MTUS1: variants seen among roughly 807,000 people sequenced by gnomAD.
The protein encoded by MTUS1 is microtubule-associated tumor suppressor 1.
Under a neutral mutation model 120.8 loss-of-function variants are expected in MTUS1, and 109 were observed. That is an observed-to-expected ratio of 0.90 (90% CI 0.77 to 1.06). MTUS1 has a LOEUF of 1.06. Among genes scored for constraint, MTUS1 ranks in the 50% least tolerant of loss-of-function variants. The pLI, the probability that MTUS1 is intolerant of heterozygous loss-of-function variation, is 0.00. For synonymous variants in MTUS1, 737 were observed against 550.5 expected (o/e 1.34, Z -4.74); for missense variants, 2,210 against 1,486.3 (o/e 1.49, Z -8.01).
chr8:17,760,283 CAT>C lies in MTUS1; in HGVS notation c.-154-4324_-154-4323del, dbSNP rs143896847. Among the ~76,000 whole-genome samples the C allele has an allele frequency of 8.5e-3, 1,293 of 152,188 alleles. 19 individuals carry two copies. Among genetic ancestry groups the C allele is most frequent in the African/African-American group, 0.029 (1,211 of 41,514 alleles). On this transcript the variant is annotated intron_variant, in intron 1 of 14. Coordinates refer to ENST00000693296, the MANE Select transcript of MTUS1 (RefSeq NM_001363059.2). ...GCAAAGAGACTAAAAAACCCACAAA[CAT>C]GTGTTCATAAATACTTAAGGATTGT...
At chr8:17,724,029 G>A in intron 3 of MTUS1, 196 bp from the exon 4 acceptor site, 2 of 577,896 alleles carry the variant, frequency 3.5e-6, no homozygotes, top group Non-Finnish European at 6.1e-6. Flanking sequence ...AGAGGCAAGA[G>A]AGCAGAAATG....
In MTUS1 at chr8:17,662,349, ATT is replaced by A. The variant is rs35308070; in HGVS notation, c.2906-6286_2906-6285del. The stretch of plus-strand genomic sequence containing the variant: ...AAGTCAAAGTAGTCTTTTTGTCCCT[ATT>A]TTTTTTTTTTTTTTTTTTTTTTGAG... On this transcript the variant is annotated intron_variant, in intron 8 of 14. Transcript: ENST00000693296. Among the ~76,000 whole-genome samples the A allele has an allele frequency of 2.0e-4, 22 of 112,676 alleles. No individual in the cohort carries two copies. In the South Asian group the frequency reaches 2.2e-3, roughly 12 times the overall value. The allele number at this position is 112,676 out of a possible 152,430, so 73.9% of individuals were successfully genotyped here.
rs374998389 is a variant in MTUS1, at chr8:17,754,400, C to T, written c.1408G>A (p.Ala470Thr). The T allele has an allele frequency of 5.0e-6, 8 of 1,613,952 alleles. No individual in the cohort carries two copies. Among genetic ancestry groups the T allele is most frequent in the Non-Finnish European group, 6.8e-6 (8 of 1,180,010 alleles). The change falls in exon 2 of 15, where the codon GCA (alanine) becomes ACA (threonine). Residue 470 changes from alanine (A) to threonine (T), a missense_variant. Ala to Thr is a moderately conservative substitution (Grantham distance 58, BLOSUM62 0). Coordinates refer to ENST00000693296, the MANE Select transcript of MTUS1 (RefSeq NM_001363059.2). ...CTGGGTTTACACAGGTTCACAGGTG[C>T]CTCCTTCGAGTCTGGTATGTTTTTA... ...GLKNIPDSKEAPVNLCKPSLG... is the reference protein window; with the variant it reads ...GLKNIPDSKETPVNLCKPSLG...
intron 1 of MTUS1, among the ~76,000 whole-genome samples, chr8:17,771,916 A>G (rs113380172): frequency 6.2e-4 from 95 of 152,220 alleles, no homozygotes; most frequent in African/African-American, 2.3e-3. Context: ...GCATAACTCT[A>G]TGAGTCACCA....
At chr8:17,768,886 A>G (rs886177199) in intron 1 of MTUS1, among the ~76,000 whole-genome samples, 1 of 152,194 alleles carries the variant, frequency 6.6e-6, no homozygotes, top group African/African-American at 2.4e-5. Context: ...TTAAACAATT[A>G]ATGGTATTTT....
chr8:17,800,844 T>G (rs770849841), intron 1 of MTUS1: 2 of 152,414 alleles, frequency 1.3e-5, no homozygotes, highest in African/African-American at 2.4e-5. Flanking sequence ...GAGATCCGCA[T>G]CCGTCCCTTC....
intron 1 of MTUS1, among the ~76,000 whole-genome samples, chr8:17,764,019 A>C (rs921965683): frequency 1.3e-5 from 2 of 152,214 alleles, no homozygotes; most frequent in Non-Finnish European, 2.9e-5. Flanking sequence ...CACAAATTGT[A>C]AACAGCCACC....
intron 12 of MTUS1, among the ~76,000 whole-genome samples, chr8:17,652,086 G>C (rs1406754694): frequency 2.0e-5 from 3 of 152,234 alleles, no homozygotes; most frequent in African/African-American, 4.8e-5. Context: ...GAGATTTGAA[G>C]TGGAGAAAAG....
At position 17,653,051 on chromosome 8, in the gene MTUS1, C is replaced by T. The variant is rs891996443; in HGVS notation, c.3384+135G>A. On this transcript the variant is annotated intron_variant, in intron 12 of 14. Transcript: ENST00000693296. ...TAAGCAAAGCAGTTGTTTTACACAC[C>T]TTAGAAAGCACATTGCCAGACATGA... 5.0e-6 allele frequency: 3 copies of T among 598,894 alleles called. No individual in the cohort carries two copies. In the African/African-American group the frequency reaches 5.9e-5, roughly 12 times the overall value. 37.1% of individuals were successfully genotyped at this position (598,894 alleles called of 1,614,324 possible).
intron 6 of MTUS1, among the ~76,000 whole-genome samples, chr8:17,684,763 G>C (rs1815406341): frequency 1.3e-5 from 2 of 152,126 alleles, no homozygotes; most frequent in South Asian, 4.1e-4. Flanking sequence ...AAGATTTATG[G>C]GGAACAGAGA....
intron 12 of MTUS1, among the ~76,000 whole-genome samples, chr8:17,652,476 G>T (rs1325608524): frequency 9.9e-5 from 15 of 152,082 alleles, no homozygotes. Flanking sequence ...ACGGGGGAGA[G>T]CCTGGTGCTG....
intron 12 of MTUS1, among the ~76,000 whole-genome samples, 179 bp downstream of exon 12, chr8:17,653,007 T>C (rs1160723100): frequency 1.3e-5 from 2 of 152,184 alleles, no homozygotes; most frequent in African/African-American, 4.8e-5. Context: ...GATTTTAGGA[T>C]GGTAAAACAA....
At chr8:17,776,539 C>A (rs746007328) in intron 1 of MTUS1, among the ~76,000 whole-genome samples, 14 of 151,906 alleles carry the variant, frequency 9.2e-5, no homozygotes, top group Non-Finnish European at 1.3e-4. Flanking sequence ...ATGAGCTGGG[C>A]ATTGTGGCAC....
chr8:17,716,759 T>C (rs1822421544), intron 4 of MTUS1, among the ~76,000 whole-genome samples: 1 of 152,170 alleles, frequency 6.6e-6, no homozygotes, highest in Admixed American at 6.5e-5. Context: ...TTTCACTGTG[T>C]TAGGCAGGAT....
Position 17,755,791 on chromosome 8 carries a change from G to T in MTUS1, c.17C>A (p.Ser6Ter). The T allele has an allele frequency of 1.2e-6, 2 of 1,612,902 alleles. No individual in the cohort carries two copies. Among genetic ancestry groups the T allele is most frequent in the South Asian group, 2.2e-5 (2 of 90,954 alleles). The change falls in exon 2 of 15, where the codon TCA becomes TAA. Residue 6 changes from serine to a stop codon, truncating the protein, a stop_gained. Transcript: ENST00000693296. LOFTEE classifies it high-confidence loss of function. ...CAATTCATCTTCTATTTTATCATCT[G>T]AATTATCATCAGTCATCCTGAATAG... MTDDN[S>*]DDKIEDELQT...
chr8:17,775,239 C>A (rs146356001), intron 1 of MTUS1, among the ~76,000 whole-genome samples: 1 of 152,012 alleles, frequency 6.6e-6, no homozygotes, highest in Non-Finnish European at 1.5e-5. Flanking sequence ...TGGTTGAAAA[C>A]GTAAATTTCA....
At position 17,754,171 on chromosome 8, in the gene MTUS1, T is replaced by C. The variant is rs1272829687; in HGVS notation, c.1637A>G (p.Asn546Ser). 2 of 1,614,026 alleles carry C rather than the reference T, an allele frequency of 1.2e-6. No homozygotes were observed. Among genetic ancestry groups the C allele is most frequent in the East Asian group, 4.5e-5 (2 of 44,888 alleles). Reference protein sequence around the residue: ...QTSASSPSSVNSRQQTVLSRT... With the variant: ...QTSASSPSSVSSRQQTVLSRT... Reference sequence around the variant, plus strand: ...GCTCAAGACTGTTTGTTGTCTTGAATTCACTGATGAGGGTGATGAGGCACT... The same window carrying C: ...GCTCAAGACTGTTTGTTGTCTTGAACTCACTGATGAGGGTGATGAGGCACT... Residue 546 changes from asparagine to serine, a missense_variant, in exon 2 of 15, where the codon AAT (asparagine) becomes AGT (serine). Transcript: ENST00000693296.
At chr8:17,796,053 A>C (rs995181199) in intron 1 of MTUS1, among the ~76,000 whole-genome samples, 2 of 151,236 alleles carry the variant, frequency 1.3e-5, no homozygotes, top group Non-Finnish European at 2.9e-5. Context: ...GGATTCAAGG[A>C]ATTCTCCTGC....
intron 14 of MTUS1, among the ~76,000 whole-genome samples, chr8:17,646,527 G>A (rs1438569126): frequency 2.6e-5 from 4 of 152,204 alleles, no homozygotes; most frequent in East Asian, 3.9e-4. Context: ...GGTGGAGGCT[G>A]CAGTAAGCTA....
Sources: gnomAD v4.1 joint callset for allele counts (sites outside exome capture counted in the v4.1 genomes callset) on GRCh38, gnomAD v4.1.1 for gene constraint, MANE v1.5 for transcripts, NCBI Gene and HGNC (gene_info 2026-07-23, HGNC 2026-07-21) for gene names.